TGFB2: variants seen among roughly 807,000 people sequenced by gnomAD.
TGFB2 encodes the protein transforming growth factor beta-2 proprotein.
TGFB2 carries 13 observed loss-of-function variants against 42.7 expected under a neutral mutation model. The observed-to-expected ratio is 0.30, with a 90% CI of 0.20 to 0.48. The LOEUF (loss-of-function observed/expected upper bound fraction) is 0.48. Among genes scored for constraint, TGFB2 ranks in the 20% least tolerant of loss-of-function variants. TGFB2 has a pLI of 0.99. For synonymous variants in TGFB2, 193 were observed against 193.6 expected, an observed-to-expected ratio of 1.00 and a Z score of 0.03; for missense variants, 390 against 517.5, an observed-to-expected ratio of 0.75 and a Z score of 2.39.
chr1:218,407,244 T>C (rs900784130), intron 2 of TGFB2, among the ~76,000 whole-genome samples: 8 of 152,160 alleles, frequency 5.3e-5, no homozygotes, highest in African/African-American at 1.9e-4. Flanking sequence ...TAATGTATTT[T>C]TCTGTTTAAT....
In TGFB2 at chr1:218,346,775, G is replaced by A; in HGVS notation, c.74G>A (p.Ser25Asn). The change falls in exon 1 of 7, where the codon AGC (serine) becomes AAC (asparagine). Residue 25 changes from serine (S) to asparagine (N), a missense_variant. Transcript: ENST00000366930. This position sits in a 1 kb window ranked among gnomAD's most constrained non-coding sequence, Gnocchi z 4.9. ...VTVALSLSTC[S>N]TLDMDQFMRK... Reference sequence around the variant, plus strand: ...GTCGCGCTCAGCCTGTCTACCTGCAGCACACTCGATATGGACCAGTTCATG... The same window carrying A: ...GTCGCGCTCAGCCTGTCTACCTGCAACACACTCGATATGGACCAGTTCATG... The A allele has an allele frequency of 1.2e-6, 2 of 1,614,146 alleles. No individual in the cohort carries two copies. Among genetic ancestry groups the A allele is most frequent in the Non-Finnish European group, 1.7e-6 (2 of 1,180,026 alleles).
Position 218,434,441 on chromosome 1 carries a change from A to G in TGFB2, c.747A>G (p.Arg249=), listed in dbSNP as rs147960792. 92 of 1,607,940 alleles carry G rather than the reference A, an allele frequency of 5.7e-5. No individual in the cohort carries two copies. The African/African-American group carries it at 1.1e-3, about 19-fold the overall frequency. Residue 249 remains arginine (R), a synonymous_variant, in exon 4 of 7, where the codon AGA becomes AGG. Coordinates refer to ENST00000366930, the MANE Select transcript of TGFB2 (RefSeq NM_003238.6). Reference sequence around the variant, plus strand: ...ATAAAAGTGAAGAACTAGAAGCAAGATTTGCAGGTAACCAAAACTTGGTCA... The same window carrying G: ...ATAAAAGTGAAGAACTAGAAGCAAGGTTTGCAGGTAACCAAAACTTGGTCA... ...IPNKSEELEA[R]FAGIDGTSTY...
intron 1 of TGFB2, among the ~76,000 whole-genome samples, chr1:218,356,283 CA>C (rs971297864): frequency 2.0e-5 from 3 of 151,966 alleles, no homozygotes; most frequent in Admixed American, 6.6e-5. Context: ...GTGGCACAGA[CA>C]TGGCTCACTG....
At chr1:218,378,773 G>GT (rs11375487) in intron 1 of TGFB2, among the ~76,000 whole-genome samples, 119,798 of 148,948 alleles carry the variant, frequency 0.8, 48,236 homozygotes, top group Non-Finnish European at 0.84. Context: ...CACCCGGCCT[G>GT]TTTTTTTTTT....
At chr1:218,419,387 C>T (rs1659383561) in intron 2 of TGFB2, among the ~76,000 whole-genome samples, 1 of 152,184 alleles carries the variant, frequency 6.6e-6, no homozygotes, top group Admixed American at 6.5e-5. Context: ...TCTTTGGCCA[C>T]CGTACCTAAG....
intron 1 of TGFB2, among the ~76,000 whole-genome samples, chr1:218,351,888 A>T (rs764779977): frequency 2.0e-5 from 3 of 152,248 alleles, no homozygotes; most frequent in Non-Finnish European, 2.9e-5. Flanking sequence ...TGAGATGTGA[A>T]AAAAGGGCTA....
At chr1:218,413,001 A>G (rs747238522) in intron 2 of TGFB2, among the ~76,000 whole-genome samples, 13 of 152,216 alleles carry the variant, frequency 8.5e-5, no homozygotes, top group Non-Finnish European at 1.6e-4. Context: ...TGGTCTTCCC[A>G]GAACAGTAAT....
chr1:218,388,934 C>T (rs1275412865), intron 1 of TGFB2, among the ~76,000 whole-genome samples: 7 of 152,120 alleles, frequency 4.6e-5, no homozygotes, highest in African/African-American at 1.7e-4. Flanking sequence ...TGTGCTTGCC[C>T]TTTAGAAGGC....
At chr1:218,424,078 G>A (rs190967416) in intron 2 of TGFB2, among the ~76,000 whole-genome samples, 1 of 152,326 alleles carries the variant, frequency 6.6e-6, no homozygotes, top group African/African-American at 2.4e-5. Flanking sequence ...CAGATGGCCA[G>A]GACCCTTAGT....
At chr1:218,431,241 C>G (rs1265470749) in intron 2 of TGFB2, among the ~76,000 whole-genome samples, 3 of 152,174 alleles carry the variant, frequency 2.0e-5, no homozygotes, top group East Asian at 3.9e-4. Flanking sequence ...GTTTTCTGAG[C>G]CTACCAGTGC....
intron 4 of TGFB2, among the ~76,000 whole-genome samples, chr1:218,434,897 A>C (rs1230386746): frequency 1.3e-5 from 2 of 152,218 alleles, no homozygotes; most frequent in Non-Finnish European, 2.9e-5. Flanking sequence ...CTAACCTTCC[A>C]TGTATAAGAA....
At chr1:218,391,551 C>A (rs553293301) in intron 1 of TGFB2, among the ~76,000 whole-genome samples, 34 of 152,266 alleles carry the variant, frequency 2.2e-4, no homozygotes, top group African/African-American at 7.9e-4. Context: ...CAACACTGTG[C>A]CCTGCAGTAT....
intron 6 of TGFB2, among the ~76,000 whole-genome samples, chr1:218,438,082 TTCTA>T (rs1489160549): frequency 6.6e-6 from 1 of 152,234 alleles, no homozygotes; most frequent in East Asian, 1.9e-4. Flanking sequence ...AATTTATTCC[TTCTA>T]TCTAACTGTA....
rs1254800151 is a variant in TGFB2, at chr1:218,444,383, A to T, written c.*3021A>T. On this transcript the variant is annotated 3_prime_UTR_variant, in exon 7 of 7. Coordinates refer to ENST00000366930, the MANE Select transcript of TGFB2 (RefSeq NM_003238.6). ...TCTAGACAGTATCCCCTGTAGCCCC[A>T]TAACTTGGATAGTTGCTGAGCCAGC... The T allele has an allele frequency of 6.6e-6, 1 of 152,152 alleles. No homozygotes were observed. The highest frequency in any genetic ancestry group is 1.9e-4 in the East Asian group (1 of 5,190). 9.4% of individuals were successfully genotyped at this position (152,152 alleles called of 1,614,324 possible).
At chr1:218,393,884 ACTC>A (rs1013924180) in intron 1 of TGFB2, among the ~76,000 whole-genome samples, 8 of 147,264 alleles carry the variant, frequency 5.4e-5, no homozygotes, top group African/African-American at 2.0e-4. Flanking sequence ...GGGCTCTGAG[ACTC>A]CTCTACGTTA....
At chr1:218,353,068 T>C (rs371023940) in intron 1 of TGFB2, among the ~76,000 whole-genome samples, 9 of 152,344 alleles carry the variant, frequency 5.9e-5, no homozygotes, top group African/African-American at 2.2e-4. Context: ...TATACCATTA[T>C]TTTATGTGCC....
intron 1 of TGFB2, among the ~76,000 whole-genome samples, chr1:218,391,521 C>T (rs551123554): frequency 9.2e-5 from 14 of 152,286 alleles, no homozygotes; most frequent in South Asian, 8.3e-4. Context: ...ATAACATCAA[C>T]GATTCTTCAT....
chr1:218,387,650 A>G (rs1001284734), intron 1 of TGFB2, among the ~76,000 whole-genome samples: 3 of 152,080 alleles, frequency 2.0e-5, no homozygotes, highest in African/African-American at 7.2e-5. Context: ...TTGTACCACT[A>G]CCTTCTCTTA....
chr1:218,434,496 T>G, intron 4 of TGFB2, 48 bp downstream of exon 4: 1 of 1,186,456 alleles, frequency 8.4e-7, no homozygotes, highest in Non-Finnish European at 1.2e-6. Context: ...GGGTCTATAT[T>G]GATAATCTCA....
Sources: allele counts gnomAD v4.1 joint callset (sites outside exome capture counted in the v4.1 genomes callset), GRCh38; gene constraint gnomAD v4.1.1; non-coding constraint Gnocchi (gnomAD v3.1); transcripts MANE v1.5; gene names NCBI Gene and HGNC (gene_info 2026-07-23, HGNC 2026-07-21).